Variants in CRB1 observed in about 807,000 individuals in gnomAD.
CRB1 encodes the protein protein crumbs homolog 1.
A neutral mutation model predicts 120.0 loss-of-function variants in CRB1; 83 were observed. The ratio of observed to expected loss-of-function variants is 0.69; its 90% CI spans 0.58 to 0.83. CRB1 has a LOEUF of 0.83. Among genes scored for constraint, CRB1 ranks in the 40% least tolerant of loss-of-function variants. CRB1 has a pLI of 0.00. For synonymous variants in CRB1, 625 were observed against 612.5 expected (o/e 1.02, Z -0.30); for missense variants, 1,699 against 1,687.6 (o/e 1.01, Z -0.12).
chr1:197,465,080 G>A (rs552682535), intron 11 of CRB1, among the ~76,000 whole-genome samples: 3 of 152,094 alleles, frequency 2.0e-5, no homozygotes, highest in African/African-American at 7.2e-5. Context: ...ATTACCCTAT[G>A]TACTGTATAT....
chr1:197,227,555 C>T, the CRB1 span, among the ~76,000 whole-genome samples: 2 of 152,024 alleles, frequency 1.3e-5, no homozygotes, highest in Non-Finnish European at 2.9e-5. Context: ...TAGTCTTGGG[C>T]AGCTCTGCCC....
chr1:197,439,801 G>A (rs1176136067), intron 10 of CRB1: 1 of 152,148 alleles, frequency 6.6e-6, no homozygotes, highest in East Asian at 1.9e-4. Flanking sequence ...TCCCTGGCAA[G>A]TGCCCTTTGG....
chr1:197,285,056 G>A (rs17617042), intron 1 of CRB1, among the ~76,000 whole-genome samples: 21,331 of 151,798 alleles, frequency 0.14, 1,713 homozygotes, highest in Middle Eastern at 0.21. Flanking sequence ...CTTGAGAGTC[G>A]TTGCTGAAAT....
At chr1:197,451,935 A>G (rs903365181) in intron 11 of CRB1, among the ~76,000 whole-genome samples, 1 of 152,192 alleles carries the variant, frequency 6.6e-6, no homozygotes, top group Non-Finnish European at 1.5e-5. Flanking sequence ...CAAATATTTG[A>G]CATTTTGACT....
chr1:197,249,891 T>C, the CRB1 span, among the ~76,000 whole-genome samples: 1 of 151,996 alleles, frequency 6.6e-6, no homozygotes, highest in African/African-American at 2.4e-5. Flanking sequence ...AACTAAGGAA[T>C]AGGCTATGTG....
chr1:197,424,036 T>C (rs1664461226), intron 6 of CRB1, among the ~76,000 whole-genome samples: 1 of 152,182 alleles, frequency 6.6e-6, no homozygotes, highest in African/African-American at 2.4e-5. Flanking sequence ...CTGGTGAACA[T>C]TTGACTTACA....
chr1:197,263,550 G>C (rs1654562947), upstream of CRB1, among the ~76,000 whole-genome samples: 1 of 151,958 alleles, frequency 6.6e-6, no homozygotes, highest in African/African-American at 2.4e-5. Flanking sequence ...GTCAATTTTT[G>C]TTTTTGTTGC....
intron 5 of CRB1, among the ~76,000 whole-genome samples, chr1:197,403,135 G>T (rs533414809): frequency 6.6e-6 from 1 of 152,176 alleles, no homozygotes; most frequent in African/African-American, 2.4e-5. Context: ...GCTCTTTAGC[G>T]TTATGTTCCC....
At chr1:197,350,093 C>G (rs182909623) in intron 4 of CRB1, among the ~76,000 whole-genome samples, 1 of 141,368 alleles carries the variant, frequency 7.1e-6, no homozygotes, top group African/African-American at 2.8e-5. Context: ...GGCGACAGAG[C>G]GAGACTCCGT....
chr1:197,438,715 T>C (rs1321819876), intron 10 of CRB1, 40 bp downstream of exon 10: 1 of 1,607,548 alleles, frequency 6.2e-7, no homozygotes, highest in Admixed American at 1.7e-5. Context: ...AATTCTGAGC[T>C]AAAGAATGAT....
chr1:197,322,334 A>C (rs987737114), intron 1 of CRB1, among the ~76,000 whole-genome samples: 28 of 151,862 alleles, frequency 1.8e-4, no homozygotes, highest in African/African-American at 6.8e-4. Context: ...ATGGTGGCAC[A>C]TCCCTGGAAT....
At chr1:197,275,972 A>G (rs968799242) in intron 1 of CRB1, among the ~76,000 whole-genome samples, 2 of 151,912 alleles carry the variant, frequency 1.3e-5, no homozygotes, top group African/African-American at 4.8e-5. Flanking sequence ...GTCATCTAGT[A>G]TTAGATCCTA....
At chr1:197,392,232 CA>C (rs1165954951) in intron 5 of CRB1, among the ~76,000 whole-genome samples, 2 of 151,240 alleles carry the variant, frequency 1.3e-5, no homozygotes, top group South Asian at 2.1e-4. Context: ...GGTGACAAGG[CA>C]AAAAAACAAA....
At chr1:197,322,818 T>A (rs911338156) in intron 1 of CRB1, among the ~76,000 whole-genome samples, 1 of 152,164 alleles carries the variant, frequency 6.6e-6, no homozygotes, top group Non-Finnish European at 1.5e-5. Context: ...ATCTAGATAA[T>A]GTTTTAGATG....
chr1:197,334,486 T>G (rs916645922), intron 2 of CRB1, among the ~76,000 whole-genome samples: 7 of 152,004 alleles, frequency 4.6e-5, no homozygotes, highest in Non-Finnish European at 1.0e-4. Flanking sequence ...TAAAAAGGGC[T>G]TTTTGGAGTG....
rs770494438 is a variant in CRB1 at position 197,328,679 on chromosome 1, A to G, written c.328A>G (p.Thr110Ala). 18 of 1,613,768 alleles carry G rather than the reference A, an allele frequency of 1.1e-5. No homozygotes were observed. In the African/African-American group the frequency reaches 2.1e-4, roughly 19 times the overall value. Residue 110 changes from threonine (T) to alanine (A), a missense_variant, in exon 2 of 12, where the codon ACC becomes GCC. By Grantham distance (58) the Thr-to-Ala change is moderately conservative (BLOSUM62 0). Transcript: ENST00000367400. ...GTACAGTGGGACAATCTGTGAAACTACCATTGGTTCCTGTGGCAAGAACTC... is the reference window on the plus strand; with the variant it reads ...GTACAGTGGGACAATCTGTGAAACTGCCATTGGTTCCTGTGGCAAGAACTC... ...PGYSGTICETTIGSCGKNSCQ... is the reference protein window; with the variant it reads ...PGYSGTICETAIGSCGKNSCQ...
At chr1:197,382,866 A>G (rs1662026451) in intron 5 of CRB1, among the ~76,000 whole-genome samples, 1 of 152,200 alleles carries the variant, frequency 6.6e-6, no homozygotes, top group South Asian at 2.1e-4. Flanking sequence ...AGAAAGGTAC[A>G]CACATAAAAA....
chr1:197,367,870 G>A (rs1014454075), intron 5 of CRB1, among the ~76,000 whole-genome samples: 1 of 152,064 alleles, frequency 6.6e-6, no homozygotes, highest in Non-Finnish European at 1.5e-5. Flanking sequence ...TTCAAACCTC[G>A]GGCAAAAATA....
In CRB1 at chr1:197,415,636, CTTTTCT is replaced by C. The variant is rs1663947527; in HGVS notation, c.1172-5359_1172-5354del. ...TCTTTTTTTTTTCTTTTTCTTTTTT[CTTTTCT>C]TTTTTTTTTTTTTTTTTTGAGACAG... On this transcript the variant is annotated intron_variant, in intron 5 of 11. Coordinates refer to ENST00000367400, the MANE Select transcript of CRB1 (RefSeq NM_201253.3). 3.9e-5 allele frequency among the ~76,000 whole-genome samples: 4 copies of C among 101,322 alleles called. No homozygotes were observed. The South Asian group carries it at 9.8e-4, about 25-fold the overall frequency. 66.5% of individuals were successfully genotyped at this position (101,322 alleles called of 152,430 possible).
Sources: gnomAD v4.1 joint callset for allele counts (sites outside exome capture counted in the v4.1 genomes callset) on GRCh38, gnomAD v4.1.1 for gene constraint, MANE v1.5 for transcripts, NCBI Gene and HGNC (gene_info 2026-07-23, HGNC 2026-07-21) for gene names.